The following DIAPH2 variants were observed in gnomAD, a reference collection of about 807,000 sequenced individuals.
The protein encoded by DIAPH2 is diaphanous related formin 2, also known as protein diaphanous homolog 2.
A neutral mutation model predicts 92.7 loss-of-function variants in DIAPH2; 35 were observed. That is an observed-to-expected ratio of 0.38 (90% CI 0.29 to 0.50). The LOEUF is 0.50. Among genes scored for constraint, DIAPH2 ranks in the 20% least tolerant of loss-of-function variants. The probability of loss-of-function intolerance (pLI) is 0.94; values close to 1 mark genes in which losing one functional copy is unlikely to be tolerated. For synonymous variants in DIAPH2, 301 were observed against 280.4 expected, an observed-to-expected ratio of 1.07 and a Z score of -0.73; for missense variants, 701 against 819.5, an observed-to-expected ratio of 0.86 and a Z score of 1.77.
intron 23 of DIAPH2, among the ~76,000 whole-genome samples, chrX:97,321,288 G>A (rs1297841361): frequency 9.0e-6 from 1 of 110,629 alleles, no homozygotes; most frequent in African/African-American, 3.3e-5. Flanking sequence ...GCATTACTGT[G>A]CAGTAGAAAT....
chrX:97,239,058 A>C (rs1000441997), intron 22 of DIAPH2, among the ~76,000 whole-genome samples: 2 of 111,934 alleles, frequency 1.8e-5, no homozygotes, highest in African/African-American at 6.5e-5. Context: ...GTTACAATGA[A>C]TAGAAACATT....
intron 22 of DIAPH2, among the ~76,000 whole-genome samples, chrX:97,176,566 C>T (rs1342329714): frequency 1.8e-5 from 2 of 110,837 alleles, no homozygotes; most frequent in South Asian, 3.8e-4. Flanking sequence ...CTTGCTTTGT[C>T]GCCCAGGCTG....
intron 26 of DIAPH2, among the ~76,000 whole-genome samples, chrX:97,493,872 GT>G (rs1432098653): frequency 1.9e-5 from 2 of 107,313 alleles, no homozygotes; most frequent in Non-Finnish European, 3.8e-5. Flanking sequence ...GGGTGACAGA[GT>G]GGGACTCCAT....
At position 96,981,329 on chromosome X, in the gene DIAPH2, G is replaced by A. The variant is rs190272856; in HGVS notation, c.2050+16122G>A. Among the ~76,000 whole-genome samples the A allele has an allele frequency of 3.6e-5, 4 of 111,226 alleles. No homozygotes were observed. The Admixed American group carries it at 3.8e-4, about 11-fold the overall frequency. ...CCCACTTAAATAAACAACTTTAGTGGGCTGACATATATGTCCATTTCTTGA... is the reference window on the plus strand; with the variant it reads ...CCCACTTAAATAAACAACTTTAGTGAGCTGACATATATGTCCATTTCTTGA... On this transcript the variant is annotated intron_variant, in intron 17 of 26. Transcript: ENST00000324765.
intron 1 of DIAPH2, chrX:96,701,728 A>G (rs2063856696): frequency 9.0e-6 from 1 of 111,680 alleles, no homozygotes; most frequent in Non-Finnish European, 1.9e-5. Flanking sequence ...AAGATCTTAG[A>G]GAGAAGGTTG....
chrX:96,938,339 C>G (rs1311812355), intron 11 of DIAPH2, among the ~76,000 whole-genome samples: 2 of 111,374 alleles, frequency 1.8e-5, no homozygotes, highest in Non-Finnish European at 3.8e-5. Flanking sequence ...ATTAGTGGTG[C>G]CAGTCTACTG....
chrX:97,128,738 T>C (rs746165008), intron 21 of DIAPH2, among the ~76,000 whole-genome samples: 1 of 112,579 alleles, frequency 8.9e-6, no homozygotes, highest in Admixed American at 9.4e-5. Flanking sequence ...GGTTTCGCCT[T>C]CTTCTAGAAT....
chrX:96,862,772 C>G (rs754486296), intron 4 of DIAPH2, among the ~76,000 whole-genome samples: 1 of 111,942 alleles, frequency 8.9e-6, no homozygotes, highest in South Asian at 3.8e-4. Flanking sequence ...AGTCAGAGTT[C>G]TCTTCTTGTT....
rs373163447 is a variant in DIAPH2, at chrX:96,738,789, A to G, written c.342+27A>G. On this transcript the variant is annotated intron_variant, in intron 3 of 26. Coordinates refer to ENST00000324765, the MANE Select transcript of DIAPH2 (RefSeq NM_006729.5). ...TAAGTTATACCCCTAATTTTGATGT[A>G]ATTTTAAAATGTGTGTGCCCAGAAT... is the stretch of plus-strand genomic sequence containing the variant. 11 of 1,140,335 alleles carry G rather than the reference A, an allele frequency of 9.6e-6. No homozygotes were observed. The African/African-American group carries it at 1.8e-4, about 19-fold the overall frequency. The allele number at this position is 1,140,335 out of a possible 1,213,427, so 94.0% of individuals were successfully genotyped here.
chrX:97,349,481 T>C (rs914999075), intron 24 of DIAPH2, among the ~76,000 whole-genome samples: 14 of 111,483 alleles, frequency 1.3e-4, no homozygotes, highest in African/African-American at 4.2e-4. Context: ...AGCAGTACTT[T>C]CTTTGTCAAT....
At chrX:96,836,650 A>C (rs1453799884) in intron 4 of DIAPH2, among the ~76,000 whole-genome samples, 1 of 87,132 alleles carries the variant, frequency 1.1e-5, no homozygotes, top group African/African-American at 4.5e-5. Context: ...TTCCAATCTT[A>C]GGGACTTGAC....
intron 1 of DIAPH2, among the ~76,000 whole-genome samples, chrX:96,734,271 C>A (rs2064073844): frequency 8.9e-6 from 1 of 111,856 alleles, no homozygotes; most frequent in African/African-American, 3.2e-5. Context: ...GTTTATAACC[C>A]CAAAAGATGG....
intron 26 of DIAPH2, among the ~76,000 whole-genome samples, chrX:97,537,886 C>CTT (rs778796568): frequency 1.5e-4 from 14 of 92,326 alleles, no homozygotes; most frequent in East Asian, 3.3e-4. Context: ...AGACTAAATT[C>CTT]TTTTTTTTTT....
At chrX:96,913,301 A>G (rs961498261) in intron 7 of DIAPH2, among the ~76,000 whole-genome samples, 1 of 111,664 alleles carries the variant, frequency 9.0e-6, no homozygotes, top group South Asian at 3.7e-4. Context: ...AATTTCTTTC[A>G]TGTGAACAGA....
At chrX:97,352,398 T>C (rs953466852) in intron 24 of DIAPH2, among the ~76,000 whole-genome samples, 12 of 111,414 alleles carry the variant, frequency 1.1e-4, no homozygotes, top group African/African-American at 3.6e-4. Context: ...ATAATGTCTT[T>C]GGAAGACTTC....
At chrX:97,206,868 C>G (rs952587596) in intron 22 of DIAPH2, among the ~76,000 whole-genome samples, 1 of 111,425 alleles carries the variant, frequency 9.0e-6, no homozygotes, top group African/African-American at 3.3e-5. Flanking sequence ...TTAAAAGCAT[C>G]CTTTCCAGTA....
At chrX:96,922,862 G>A (rs187904675) in intron 9 of DIAPH2, among the ~76,000 whole-genome samples, 1 of 111,862 alleles carries the variant, frequency 8.9e-6, no homozygotes, top group African/African-American at 3.2e-5. Context: ...CTTCAGTAAT[G>A]AGGTGATATT....
intron 25 of DIAPH2, among the ~76,000 whole-genome samples, chrX:97,385,808 G>C (rs1569381536): frequency 9.0e-6 from 1 of 111,483 alleles, no homozygotes; most frequent in Admixed American, 9.5e-5. Flanking sequence ...TTACATTTAG[G>C]AACCAATTTA....
At chrX:96,860,667 A>G (rs73543149) in intron 4 of DIAPH2, among the ~76,000 whole-genome samples, 2,499 of 111,617 alleles carry the variant, frequency 0.022, 63 homozygotes, top group African/African-American at 0.077. Flanking sequence ...CTAATGGAAA[A>G]TTGGGGTGGG....
Sources: gnomAD v4.1 joint callset for allele counts (sites outside exome capture counted in the v4.1 genomes callset) on GRCh38, gnomAD v4.1.1 for gene constraint, MANE v1.5 for transcripts, NCBI Gene and HGNC (gene_info 2026-07-23, HGNC 2026-07-21) for gene names.